The following AGMO variants were observed in gnomAD, a reference collection of about 807,000 sequenced individuals.
AGMO encodes alkylglycerol monooxygenase.
AGMO carries 75 observed loss-of-function variants against 60.2 expected under a neutral mutation model. The ratio of observed to expected loss-of-function variants is 1.25; its 90% CI spans 1.03 to 1.51. The LOEUF (loss-of-function observed/expected upper bound fraction) is 1.51. Ranked by LOEUF, AGMO falls within the 40% of genes most tolerant of loss-of-function variation. The probability of loss-of-function intolerance (pLI) is 0.00; values close to 1 mark genes in which losing one functional copy is unlikely to be tolerated. For synonymous variants in AGMO, 261 were observed against 177.1 expected (o/e 1.47, Z -3.76); for missense variants, 763 against 525.5 (o/e 1.45, Z -4.42).
intron 12 of AGMO, among the ~76,000 whole-genome samples, chr7:15,280,139 C>T (rs1244396330): frequency 6.6e-6 from 1 of 152,126 alleles, no homozygotes; most frequent in Non-Finnish European, 1.5e-5. Flanking sequence ...TGCAGGTGGA[C>T]TGGGAGGGGA....
intron 12 of AGMO, among the ~76,000 whole-genome samples, chr7:15,232,229 G>A (rs2128499764): frequency 6.6e-6 from 1 of 152,248 alleles, no homozygotes; most frequent in Admixed American, 6.5e-5. Flanking sequence ...CCAAGACTCT[G>A]GCTAGAAATT....
At chr7:15,282,856 C>T (rs59438117) in intron 12 of AGMO, among the ~76,000 whole-genome samples, 14,511 of 152,184 alleles carry the variant, frequency 0.095, 732 homozygotes, top group East Asian at 0.18. Context: ...ATCAGGTAAC[C>T]TCTGAAGGAA....
In AGMO at chr7:15,428,877, A is replaced by G. The variant is rs546682799; in HGVS notation, c.513+2128T>C. Among the ~76,000 whole-genome samples, 498 of 152,202 alleles carry G rather than the reference A, an allele frequency of 3.3e-3. 4 individuals carry two copies. Among genetic ancestry groups the G allele is most frequent in the Middle Eastern group, 0.031 (9 of 294 alleles). ...TGTCTTTAATAAAAGAGAAATATAT[A>G]AGTCAGAAGAGAGTAAAGATTTTGG... On this transcript the variant is annotated intron_variant, in intron 4 of 12. Transcript: ENST00000342526.
intron 6 of AGMO, 116 bp from the exon 7 acceptor site, chr7:15,391,021 T>C: frequency 1.6e-6 from 1 of 631,942 alleles, no homozygotes; most frequent in South Asian, 2.3e-5. Flanking sequence ...AGGGTACAAT[T>C]TCCCTGGGAA....
downstream of AGMO, among the ~76,000 whole-genome samples, chr7:15,198,240 A>AGAGAGAGAGG (rs1563030449): frequency 1.6e-3 from 160 of 102,328 alleles, 1 homozygote; most frequent in Non-Finnish European, 2.4e-3. Flanking sequence ...AGAGAGAGAG[A>AGAGAGAGAGG]GAGAGAGAGA....
At chr7:15,212,459 CATGAACAT>C (rs1781622030) in intron 12 of AGMO, among the ~76,000 whole-genome samples, 1 of 151,878 alleles carries the variant, frequency 6.6e-6, no homozygotes, top group Non-Finnish European at 1.5e-5. Flanking sequence ...CTGAGTTTTT[CATGAACAT>C]ATATTAGATT....
chr7:15,169,465 C>T, the AGMO span, among the ~76,000 whole-genome samples: 2 of 151,714 alleles, frequency 1.3e-5, no homozygotes, highest in African/African-American at 2.4e-5. Context: ...GAGACAGTCT[C>T]GCTCTGTCAC....
At chr7:15,550,155 G>A (rs1336811317) in intron 2 of AGMO, among the ~76,000 whole-genome samples, 1 of 151,586 alleles carries the variant, frequency 6.6e-6, no homozygotes, top group African/African-American at 2.4e-5. Context: ...TCTCTGGGAT[G>A]CATTCAAAGC....
intron 3 of AGMO, among the ~76,000 whole-genome samples, chr7:15,505,386 C>A (rs1220489044): frequency 1.3e-5 from 2 of 151,966 alleles, no homozygotes; most frequent in African/African-American, 2.4e-5. Flanking sequence ...ACGTGTCTGT[C>A]TGGTTGAAAT....
chr7:15,449,858 A>T (rs1781812425), intron 3 of AGMO, among the ~76,000 whole-genome samples: 1 of 152,210 alleles, frequency 6.6e-6, no homozygotes, highest in South Asian at 2.1e-4. Context: ...TGAACAACTT[A>T]ATAATGTCCC....
chr7:15,302,137 A>G (rs898575229), intron 12 of AGMO, among the ~76,000 whole-genome samples: 2 of 151,882 alleles, frequency 1.3e-5, no homozygotes, highest in African/African-American at 2.4e-5. Context: ...AACATTAATT[A>G]TCCTTTTGAG....
chr7:15,407,226 G>A (rs1483430145), intron 5 of AGMO, among the ~76,000 whole-genome samples: 1 of 73,414 alleles, frequency 1.4e-5, no homozygotes, highest in Non-Finnish European at 3.3e-5. Context: ...CCCTTTCTTT[G>A]GAATACATAT....
chr7:15,476,764 G>A lies in AGMO; in HGVS notation c.410-45656C>T, dbSNP rs575312503. On this transcript the variant is annotated intron_variant, in intron 3 of 12. Coordinates refer to ENST00000342526, the MANE Select transcript of AGMO (RefSeq NM_001004320.2). ...CACATCTCCAAATATTATGAAACAC[G>A]GGTAAAACAAAATAGCTGAAGGTTT... is the stretch of plus-strand genomic sequence containing the variant. Among the ~76,000 whole-genome samples, 8 of 152,106 alleles carry A rather than the reference G, an allele frequency of 5.3e-5. No individual in the cohort carries two copies. In the East Asian group the frequency reaches 1.2e-3, roughly 22 times the overall value.
At chr7:15,295,837 A>C (rs773053831) in intron 12 of AGMO, among the ~76,000 whole-genome samples, 2 of 152,152 alleles carry the variant, frequency 1.3e-5, no homozygotes, top group African/African-American at 4.8e-5. Context: ...CAGTTTTAAC[A>C]GTCAAAATGT....
chr7:15,224,507 G>C (rs1329966355), intron 12 of AGMO, among the ~76,000 whole-genome samples: 1 of 151,828 alleles, frequency 6.6e-6, no homozygotes, highest in Non-Finnish European at 1.5e-5. Flanking sequence ...CCAGAAACTG[G>C]ATGTGCTGGC....
the AGMO span, among the ~76,000 whole-genome samples, chr7:15,126,823 C>T: frequency 6.6e-6 from 1 of 152,180 alleles, no homozygotes; most frequent in South Asian, 2.1e-4. Context: ...CTTTTCAGAT[C>T]CAAGGAATAA....
chr7:15,209,150 T>G (rs967513869), intron 12 of AGMO, among the ~76,000 whole-genome samples: 1 of 152,182 alleles, frequency 6.6e-6, no homozygotes, highest in East Asian at 1.9e-4. Context: ...CGATTTTCAG[T>G]GTATTCCAAA....
At chr7:15,335,651 T>C (rs1259521711) in intron 12 of AGMO, among the ~76,000 whole-genome samples, 1 of 152,198 alleles carries the variant, frequency 6.6e-6, no homozygotes, top group Non-Finnish European at 1.5e-5. Context: ...AAATGACTTG[T>C]GTCTGGCCAG....
chr7:15,367,565 C>G (rs1025576500), intron 10 of AGMO, among the ~76,000 whole-genome samples: 5 of 152,000 alleles, frequency 3.3e-5, no homozygotes, highest in African/African-American at 1.2e-4. Flanking sequence ...CCTGCCTGAT[C>G]ACAAAGCATG....
Sources: allele counts gnomAD v4.1 joint callset (sites outside exome capture counted in the v4.1 genomes callset), GRCh38; gene constraint gnomAD v4.1.1; transcripts MANE v1.5; gene names NCBI Gene and HGNC (gene_info 2026-07-23, HGNC 2026-07-21).